Variants in AUTS2 observed in about 807,000 individuals in gnomAD.
AUTS2 encodes the protein autism susceptibility gene 2 protein.
In AUTS2, 17 loss-of-function variants were observed where a neutral mutation model predicts 112.4. The observed-to-expected ratio is 0.15, with a 90% CI of 0.10 to 0.23. The LOEUF (loss-of-function observed/expected upper bound fraction) is 0.23. Ranked by LOEUF, AUTS2 falls within the 10% of genes least tolerant of loss-of-function variation. The probability of loss-of-function intolerance (pLI) is 1.00; values close to 1 mark genes in which losing one functional copy is unlikely to be tolerated. For missense variants in AUTS2, 1,510 were observed against 1,701.6 expected (o/e 0.89, Z 1.98); for synonymous variants, 751 against 702.7 (o/e 1.07, Z -1.09).
chr7:70,734,332 CG>C (rs1209391615), intron 6 of AUTS2, among the ~76,000 whole-genome samples: 1 of 151,798 alleles, frequency 6.6e-6, no homozygotes, highest in Non-Finnish European at 1.5e-5. Flanking sequence ...CCCAGCTACT[CG>C]GGGGGCTGAG....
intron 5 of AUTS2, among the ~76,000 whole-genome samples, chr7:70,477,224 A>G (rs951128605): frequency 3.3e-5 from 5 of 152,150 alleles, no homozygotes; most frequent in Non-Finnish European, 7.3e-5. Flanking sequence ...TTTCCCAGCC[A>G]TATTTTTCAG....
chr7:70,635,959 C>T (rs1805515008), intron 5 of AUTS2, among the ~76,000 whole-genome samples: 2 of 152,178 alleles, frequency 1.3e-5, no homozygotes, highest in African/African-American at 2.4e-5. Flanking sequence ...TGCCTCCATT[C>T]GTGTGTTTGC....
At chr7:70,748,030 A>G (rs573024098) in intron 6 of AUTS2, among the ~76,000 whole-genome samples, 5 of 124,258 alleles carry the variant, frequency 4.0e-5, no homozygotes, top group African/African-American at 6.4e-5. Context: ...GGGTTTCACC[A>G]TGTTAGCAAG....
At chr7:70,077,772 C>A (rs1189371648) in intron 2 of AUTS2, among the ~76,000 whole-genome samples, 1 of 152,146 alleles carries the variant, frequency 6.6e-6, no homozygotes, top group African/African-American at 2.4e-5. Context: ...CACTCTCTGA[C>A]CAGGATTGTT....
intron 1 of AUTS2, among the ~76,000 whole-genome samples, chr7:69,805,045 C>T (rs1414410036): frequency 1.3e-5 from 2 of 152,130 alleles, no homozygotes; most frequent in Admixed American, 6.6e-5. Flanking sequence ...TTATATCTTC[C>T]TTTAAACTCT....
At chr7:70,487,953 G>T (rs925773119) in intron 5 of AUTS2, among the ~76,000 whole-genome samples, 2 of 152,190 alleles carry the variant, frequency 1.3e-5, no homozygotes, top group Non-Finnish European at 2.9e-5. Context: ...GGCCAAGAGA[G>T]AAGCCCCTCG....
chr7:69,800,021 T>C (rs1009073914), intron 1 of AUTS2, among the ~76,000 whole-genome samples: 1 of 152,238 alleles, frequency 6.6e-6, no homozygotes, highest in Non-Finnish European at 1.5e-5. Context: ...GGGTTATTAT[T>C]TGTAATAACT....
In AUTS2 at chr7:70,207,066, A is replaced by G. The variant is rs1033800658; in HGVS notation, c.660+72495A>G. On this transcript the variant is annotated intron_variant, in intron 4 of 18. Coordinates refer to ENST00000342771, the MANE Select transcript of AUTS2 (RefSeq NM_015570.4). ...ATATGCATTTCCTCATTAAAATGTC[A>G]TTAGTGAAGGCTTTGTTCTTTTAAG... Among the ~76,000 whole-genome samples the G allele has an allele frequency of 2.3e-4, 35 of 152,362 alleles. 1 individual carries two copies. The highest frequency in any genetic ancestry group is 3.4e-3 in the Middle Eastern group (1 of 294).
chr7:70,781,749 T>G lies in AUTS2; in HGVS notation c.2139T>G (p.Ser713=). 6.2e-7 allele frequency: 1 copy of G among 1,614,066 alleles called. No homozygotes were observed. Among genetic ancestry groups the G allele is most frequent in the South Asian group, 1.1e-5 (1 of 91,060 alleles). ...HDLARPSTLF[S]AAGAAHPTGT... ...TGGCACGGCCTTCAACTTTGTTCTC[T>G]GCCGCTGGTGAGTGTGGGTTTGGGT... The change falls in exon 15 of 19, where the codon TCT becomes TCG. Residue 713 remains serine (S), a synonymous_variant. Coordinates refer to ENST00000342771, the MANE Select transcript of AUTS2 (RefSeq NM_015570.4).
intron 2 of AUTS2, among the ~76,000 whole-genome samples, chr7:69,901,521 T>A (rs1344262990): frequency 6.6e-6 from 1 of 152,192 alleles, no homozygotes. Context: ...TAAATTTGAG[T>A]AGCTTTTGGT....
intron 1 of AUTS2, among the ~76,000 whole-genome samples, chr7:69,812,614 A>G (rs1020006359): frequency 3.3e-5 from 5 of 152,158 alleles, no homozygotes; most frequent in South Asian, 2.1e-4. Context: ...GTCCGTTGCC[A>G]TGGGCTACAA....
At chr7:70,377,729 T>C (rs1793178956) in intron 4 of AUTS2, among the ~76,000 whole-genome samples, 1 of 151,778 alleles carries the variant, frequency 6.6e-6, no homozygotes. Flanking sequence ...AAACAAATAG[T>C]ATTTATCCTT....
chr7:70,170,575 A>G (rs1255946089), intron 4 of AUTS2, among the ~76,000 whole-genome samples: 1 of 150,626 alleles, frequency 6.6e-6, no homozygotes, highest in Non-Finnish European at 1.5e-5. Context: ...TTGAGATGGG[A>G]TATACTAGGG....
At position 70,580,100 on chromosome 7, in the gene AUTS2, C is replaced by T. The variant is rs192753559; in HGVS notation, c.691-118469C>T. ...CCTTCGAACGTAACCAGCACTGACT[C>T]GGTGGTGTGCACTGGGCCTCAAAGC... On this transcript the variant is annotated intron_variant, in intron 5 of 18. Coordinates refer to ENST00000342771, the MANE Select transcript of AUTS2 (RefSeq NM_015570.4). Among the ~76,000 whole-genome samples the T allele has an allele frequency of 3.3e-3, 503 of 152,208 alleles. 2 individuals carry two copies. Among genetic ancestry groups the T allele is most frequent in the Admixed American group, 4.1e-3 (62 of 15,288 alleles).
In AUTS2 at chr7:70,049,876, T is replaced by C. The variant is rs576520394; in HGVS notation, c.523-68256T>C. 8.2e-4 allele frequency among the ~76,000 whole-genome samples: 124 copies of C among 152,062 alleles called. 5 individuals carry two copies. In the South Asian group the frequency reaches 0.019, roughly 23 times the overall value. ...AAACGTGTGTGTTTGTGTGTGTGTATGTGTGTAAAACATATATATGAAGAT... is the reference window on the plus strand; with the variant it reads ...AAACGTGTGTGTTTGTGTGTGTGTACGTGTGTAAAACATATATATGAAGAT... On this transcript the variant is annotated intron_variant, in intron 2 of 18. Transcript: ENST00000342771.
intron 16 of AUTS2, 46 bp downstream of exon 16, chr7:70,785,065 AC>A: frequency 6.3e-7 from 1 of 1,595,150 alleles, no homozygotes; most frequent in Non-Finnish European, 8.6e-7. Flanking sequence ...GCTTCAGGCA[AC>A]CCTGCTGTGT....
At chr7:69,871,881 G>A (rs532984304) in intron 1 of AUTS2, among the ~76,000 whole-genome samples, 2 of 152,262 alleles carry the variant, frequency 1.3e-5, no homozygotes, top group East Asian at 3.9e-4. Context: ...CTGAAATTGT[G>A]AAACTGGAGA....
chr7:70,004,132 A>G (rs1365712276), intron 2 of AUTS2, among the ~76,000 whole-genome samples: 3 of 132,558 alleles, frequency 2.3e-5, no homozygotes, highest in East Asian at 2.1e-4. Flanking sequence ...ATGTGAATAT[A>G]TATAATATAT....
At chr7:70,403,934 A>G (rs1187685914) in intron 4 of AUTS2, among the ~76,000 whole-genome samples, 2 of 152,182 alleles carry the variant, frequency 1.3e-5, no homozygotes, top group Non-Finnish European at 2.9e-5. Context: ...AAAGGCTTGA[A>G]AACATTCATA....
Sources: allele counts gnomAD v4.1 joint callset (sites outside exome capture counted in the v4.1 genomes callset), GRCh38; gene constraint gnomAD v4.1.1; transcripts MANE v1.5; gene names NCBI Gene and HGNC (gene_info 2026-07-23, HGNC 2026-07-21).